Variants in FUBP1 observed in about 807,000 individuals in gnomAD.
The protein encoded by FUBP1 is far upstream element-binding protein 1.
In FUBP1, 16 loss-of-function variants were observed where a neutral mutation model predicts 94.9. The observed-to-expected ratio is 0.17, with a 90% CI of 0.11 to 0.26. The LOEUF (loss-of-function observed/expected upper bound fraction) is 0.26, where lower values mean the gene tolerates loss of function less well. FUBP1 is among the 10% of genes least tolerant of loss of function. The pLI is 1.00. For synonymous variants in FUBP1, 279 were observed against 254.9 expected (o/e 1.09, Z -0.90); for missense variants, 583 against 808.6 (o/e 0.72, Z 3.38).
intron 18 of FUBP1, among the ~76,000 whole-genome samples, chr1:77,953,616 AT>A (rs1653919426): frequency 6.6e-6 from 1 of 152,178 alleles, no homozygotes; most frequent in Non-Finnish European, 1.5e-5. Context: ...TTATTTAATT[AT>A]TTCTATGCCA....
chr1:77,967,057 A>G lies in FUBP1; in HGVS notation c.335T>C (p.Val112Ala). Residue 112 changes from valine (V) to alanine (A), a missense_variant, in exon 5 of 20, where the codon GTT becomes GCT. Val to Ala is a moderately conservative substitution (Grantham distance 64, BLOSUM62 0). Transcript: ENST00000370768. ...AAAATCAAGTTACTTACTGAATCCA[A>G]CCATTCCATCTGGAACTTTGTATTC... is the stretch of plus-strand genomic sequence containing the variant. Reference protein sequence around the residue: ...TEEYKVPDGMVGFIIGRGGEQ... With the variant: ...TEEYKVPDGMAGFIIGRGGEQ... 1 of 1,582,844 alleles carries G rather than the reference A, an allele frequency of 6.3e-7. No individual in the cohort carries two copies. The highest frequency in any genetic ancestry group is 8.7e-7 in the Non-Finnish European group (1 of 1,153,290).
chr1:77,963,616 A>C lies in FUBP1; in HGVS notation c.1141T>G (p.Phe381Val). 1 of 1,600,606 alleles carries C rather than the reference A, an allele frequency of 6.2e-7. No homozygotes were observed. The highest frequency in any genetic ancestry group is 1.1e-5 in the South Asian group (1 of 90,756). Residue 381 changes from phenylalanine (F) to valine (V), a missense_variant, in exon 13 of 20, where the codon TTT (phenylalanine) becomes GTT (valine). Physicochemically the swap from Phe to Val is conservative, Grantham distance 50. Transcript: ENST00000370768. The part of the protein sequence containing the change: ...GPPGGLQEFN[F>V]IVPTGKTGLI... ...CCAGTTTTCCCAGTTGGCACAATAA[A>C]ATTAAATTCCTGTAGTCCACCAGGT...
intron 1 of FUBP1, 61 bp downstream of exon 1, chr1:77,978,824 T>C: frequency 2.1e-5 from 34 of 1,599,894 alleles, no homozygotes; most frequent in East Asian, 4.5e-5. Flanking sequence ...GGTAGCGGCC[T>C]ACTCAGTCAG....
At position 77,964,651 on chromosome 1, in the gene FUBP1, T is replaced by C. The variant is rs1656140214; in HGVS notation, c.832A>G (p.Ile278Val). Residue 278 changes from isoleucine to valine, a missense_variant, in exon 10 of 20, where the codon ATA (isoleucine) becomes GTA (valine). Transcript: ENST00000370768. ...GAATGGGTATTTTTACTTACATCTA[T>C]CCCTTCATTTCCTCCTATTCTTGAC... ...YGSRIGGNEGIDVPIPRFAVG... is the reference protein window; with the variant it reads ...YGSRIGGNEGVDVPIPRFAVG... 3 of 1,546,696 alleles carry C rather than the reference T, an allele frequency of 1.9e-6. No individual in the cohort carries two copies. The highest frequency in any genetic ancestry group is 2.7e-6 in the Non-Finnish European group (3 of 1,118,614).
In FUBP1 at chr1:77,964,017, T is replaced by G. The variant is rs372410011; in HGVS notation, c.1041+45A>C. ...CTTCAGATTTCATGAAGGAAAATAC[T>G]TTTCCATAAAAACAAAAAATGAAAA... On this transcript the variant is annotated intron_variant, in intron 12 of 19. Transcript: ENST00000370768. 4.3e-6 allele frequency: 5 copies of G among 1,164,502 alleles called. No individual in the cohort carries two copies. In the African/African-American group the frequency reaches 6.0e-5, roughly 14 times the overall value. The allele number at this position is 1,164,502 out of a possible 1,614,324, so 72.1% of individuals were successfully genotyped here. A position where few individuals can be genotyped will look rare whatever the true frequency, so the allele number is the denominator to read the frequency against.
chr1:77,960,037 TG>T, intron 16 of FUBP1, 146 bp downstream of exon 16: 1 of 643,418 alleles, frequency 1.6e-6, no homozygotes, highest in Non-Finnish European at 2.8e-6. Context: ...TCCTATACAC[TG>T]GGGTAGAGGC....
chr1:77,947,608 A>T lies in FUBP1; in HGVS notation c.*1158T>A, dbSNP rs1652422248. 1.8e-6 allele frequency: 2 copies of T among 1,102,264 alleles called. No individual in the cohort carries two copies. Among genetic ancestry groups the T allele is most frequent in the South Asian group, 2.6e-5 (2 of 76,374 alleles). The allele number at this position is 1,102,264 out of a possible 1,614,324, so 68.3% of individuals were successfully genotyped here. On this transcript the variant is annotated 3_prime_UTR_variant, in exon 20 of 20. Transcript: ENST00000370768. ...TTTGCATGTAGTCTAATATATTAAT[A>T]TGCAAAGAGCCAACAAATATGCAAA... is the stretch of plus-strand genomic sequence containing the variant.
intron 15 of FUBP1, 34 bp from the exon 16 acceptor site, chr1:77,960,297 A>T: frequency 6.2e-7 from 1 of 1,612,666 alleles, no homozygotes; most frequent in Admixed American, 1.7e-5. Flanking sequence ...AAACAGTCCC[A>T]AAACTAGAAT....
At chr1:77,948,910 A>G in intron 19 of FUBP1, 136 bp from the exon 20 acceptor site, 1 of 1,219,336 alleles carries the variant, frequency 8.2e-7, no homozygotes, top group Non-Finnish European at 1.2e-6. Flanking sequence ...ATGATTTGCA[A>G]ATCCCTGGGG....
chr1:77,952,251 T>TA (rs953438516), intron 18 of FUBP1, among the ~76,000 whole-genome samples: 291 of 149,768 alleles, frequency 1.9e-3, no homozygotes, highest in African/African-American at 6.7e-3. Flanking sequence ...AAAAATAAAA[T>TA]AAAAAAAAAT....
intron 2 of FUBP1, among the ~76,000 whole-genome samples, chr1:77,968,638 T>A (rs1289178791): frequency 1.2e-4 from 17 of 146,028 alleles, no homozygotes; most frequent in Non-Finnish European, 2.1e-4. Flanking sequence ...CACAAAGCTA[T>A]GCCCAAAAAA....
At chr1:77,965,273 C>T in intron 7 of FUBP1, 42 bp from the exon 8 acceptor site, 2 of 1,348,670 alleles carry the variant, frequency 1.5e-6, no homozygotes, top group Non-Finnish European at 2.1e-6. Context: ...TGTAGCATAC[C>T]CAAGCTTATT....
At chr1:77,956,766 C>CACA in intron 16 of FUBP1, 66 bp from the exon 17 acceptor site, 55 of 1,210,604 alleles carry the variant, frequency 4.5e-5, no homozygotes, top group Non-Finnish European at 5.5e-5. Flanking sequence ...CACACACACA[C>CACA]CACCCCCCCG....
chr1:77,949,866 A>C (rs1190472372), intron 18 of FUBP1, among the ~76,000 whole-genome samples: 5 of 152,162 alleles, frequency 3.3e-5, no homozygotes, highest in African/African-American at 1.2e-4. Context: ...ACACACACAT[A>C]ATAAGATGTT....
Position 77,960,251 on chromosome 1 carries a change from G to C in FUBP1, c.1509C>G (p.Ala503=). ...TTCCCCATCCCTGGGGAGCATATGGGGCTGGAGGACCACTGAAAAGAAAAA... is the reference window on the plus strand; with the variant it reads ...TTCCCCATCCCTGGGGAGCATATGGCGCTGGAGGACCACTGAAAAGAAAAA... ...PPGPAPHGPP[A]PYAPQGWGNA... The change falls in exon 16 of 20, where the codon GCC becomes GCG. Residue 503 remains alanine, a synonymous_variant. Coordinates refer to ENST00000370768, the MANE Select transcript of FUBP1 (RefSeq NM_003902.5). The C allele has an allele frequency of 6.2e-7, 1 of 1,613,180 alleles. No individual in the cohort carries two copies. The highest frequency in any genetic ancestry group is 8.5e-7 in the Non-Finnish European group (1 of 1,179,454).
At chr1:77,969,086 T>C in intron 2 of FUBP1, 1 of 1,233,968 alleles carries the variant, frequency 8.1e-7, no homozygotes, top group Non-Finnish European at 1.1e-6. Context: ...AAGAGCCATC[T>C]ACACATAAAA....
Position 77,947,753 on chromosome 1 carries a change from A to C in FUBP1, c.*1013T>G, listed in dbSNP as rs1389014535. 4.8e-6 allele frequency: 3 copies of C among 630,972 alleles called. No individual in the cohort carries two copies. The highest frequency in any genetic ancestry group is 7.3e-6 in the Non-Finnish European group (3 of 413,042). The allele number at this position is 630,972 out of a possible 1,614,324, so 39.1% of individuals were successfully genotyped here. A position where few individuals can be genotyped will look rare whatever the true frequency, so the allele number is the denominator to read the frequency against. The stretch of plus-strand genomic sequence containing the variant: ...ATTCAATGATTGGACTTGTGCATTT[A>C]CAAAACAAAGCTTATCTATACTGCA... On this transcript the variant is annotated 3_prime_UTR_variant, in exon 20 of 20. Transcript: ENST00000370768.
rs1029014991 is a variant in FUBP1, at chr1:77,964,864, G to T, written c.735+6C>A. 2.5e-6 allele frequency: 4 copies of T among 1,573,334 alleles called. No homozygotes were observed. In the South Asian group the frequency reaches 4.4e-5, roughly 17 times the overall value. Reference sequence around the variant, plus strand: ...CTTTCTTTATAAAGTATAAAGTTAAGTTTACTTGAACTTTATATGGGTCTC... The same window carrying T: ...CTTTCTTTATAAAGTATAAAGTTAATTTTACTTGAACTTTATATGGGTCTC... On this transcript the variant is annotated splice_donor_region_variant and intron_variant, in intron 9 of 19. Coordinates refer to ENST00000370768, the MANE Select transcript of FUBP1 (RefSeq NM_003902.5).
intron 16 of FUBP1, among the ~76,000 whole-genome samples, chr1:77,959,105 C>A (rs539320313): frequency 6.6e-6 from 1 of 152,276 alleles, no homozygotes; most frequent in East Asian, 1.9e-4. Context: ...CAAGCAATTT[C>A]ATTTACATAA....
Sources: gnomAD v4.1 joint callset for allele counts (sites outside exome capture counted in the v4.1 genomes callset) on GRCh38, gnomAD v4.1.1 for gene constraint, MANE v1.5 for transcripts, NCBI Gene and HGNC (gene_info 2026-07-23, HGNC 2026-07-21) for gene names.